The following NCOR1 variants were observed in gnomAD, a reference collection of about 807,000 sequenced individuals.
NCOR1 encodes nuclear receptor corepressor 1.
A neutral mutation model predicts 288.1 loss-of-function variants in NCOR1; 63 were observed. The observed-to-expected ratio is 0.22, with a 90% CI of 0.18 to 0.27. The LOEUF (loss-of-function observed/expected upper bound fraction) is 0.27, where lower values mean the gene tolerates loss of function less well. Among genes scored for constraint, NCOR1 ranks in the 10% least tolerant of loss-of-function variants. The pLI, the probability that NCOR1 is intolerant of heterozygous loss-of-function variation, is 1.00. For synonymous variants in NCOR1, 1,007 were observed against 1,065.9 expected, an observed-to-expected ratio of 0.94 and a Z score of 1.08; for missense variants, 2,397 against 3,019.2, an observed-to-expected ratio of 0.79 and a Z score of 4.83.
At chr17:16,186,920 C>T (rs2086774393) in intron 2 of NCOR1, among the ~76,000 whole-genome samples, 1 of 152,108 alleles carries the variant, frequency 6.6e-6, no homozygotes, top group Non-Finnish European at 1.5e-5. Context: ...ACTCATTCCT[C>T]TAATAACAAA....
rs774594220 is a variant in NCOR1 at position 16,058,587 on chromosome 17, C to T, written c.5894G>A (p.Arg1965Lys). 12 of 1,598,378 alleles carry T rather than the reference C, an allele frequency of 7.5e-6. No homozygotes were observed. In the South Asian group the frequency reaches 1.4e-4, roughly 18 times the overall value. ...SDSSSSLSSH[R>K]YETPSDAIEV... ...AATAGCATCGCTAGGTGTTTCATACCTGTGAGAAGATACTTTAAGAAAAGA... is the reference window on the plus strand; with the variant it reads ...AATAGCATCGCTAGGTGTTTCATACTTGTGAGAAGATACTTTAAGAAAAGA... Residue 1965 changes from arginine (R) to lysine (K), a missense_variant, in exon 38 of 46, where the codon AGG becomes AAG. Physicochemically the swap from Arg to Lys is conservative, Grantham distance 26. This residue lies in a region of NCOR1 where 1,872 missense variants were observed against 2,187.8 expected (regional missense o/e 0.86). Transcript: ENST00000268712.
chr17:16,184,625 TTAG>T (rs1292063427), intron 3 of NCOR1, among the ~76,000 whole-genome samples: 2 of 152,126 alleles, frequency 1.3e-5, no homozygotes, highest in African/African-American at 4.8e-5. Context: ...GTAACGTAAA[TTAG>T]TACAACCATT....
chr17:16,110,833 A>G (rs2069954773), intron 18 of NCOR1, among the ~76,000 whole-genome samples: 1 of 152,262 alleles, frequency 6.6e-6, no homozygotes, highest in Admixed American at 6.5e-5. Context: ...GAGTCACAGA[A>G]TTAGTTGCAA....
intron 3 of NCOR1, among the ~76,000 whole-genome samples, chr17:16,185,347 C>A (rs1390978400): frequency 6.6e-6 from 1 of 151,968 alleles, no homozygotes; most frequent in African/African-American, 2.4e-5. Context: ...CTATACGTAT[C>A]CCATAACATC....
chr17:16,036,205 A>C (rs1215464704), intron 44 of NCOR1, among the ~76,000 whole-genome samples: 2 of 152,216 alleles, frequency 1.3e-5, no homozygotes, highest in African/African-American at 2.4e-5. Flanking sequence ...GAACCTTTCC[A>C]TCAGAGCTCT....
chr17:16,144,814 T>A (rs771120868), intron 10 of NCOR1, among the ~76,000 whole-genome samples: 5 of 150,570 alleles, frequency 3.3e-5, no homozygotes, highest in Non-Finnish European at 4.4e-5. Flanking sequence ...ACCTCTCTCC[T>A]TCTCCCGCTT....
At chr17:16,212,252 G>A (rs142301944) in intron 1 of NCOR1, among the ~76,000 whole-genome samples, 2 of 151,278 alleles carry the variant, frequency 1.3e-5, no homozygotes, top group African/African-American at 4.9e-5. Flanking sequence ...GGTGACAAGA[G>A]CGAGACCCTG....
chr17:16,082,187 A>G (rs574072090), intron 23 of NCOR1, among the ~76,000 whole-genome samples: 2 of 149,394 alleles, frequency 1.3e-5, no homozygotes, highest in South Asian at 2.3e-4. Context: ...AGAAACAACA[A>G]GCTCTGAAAA....
At chr17:16,064,391 G>C (rs2060887233) in intron 34 of NCOR1, among the ~76,000 whole-genome samples, 1 of 152,154 alleles carries the variant, frequency 6.6e-6, no homozygotes, top group Non-Finnish European at 1.5e-5. Flanking sequence ...CCGGAGGCCA[G>C]GAGTTTACGA....
chr17:16,205,740 C>G (rs1403340807), intron 1 of NCOR1, among the ~76,000 whole-genome samples: 1 of 151,416 alleles, frequency 6.6e-6, no homozygotes, highest in Admixed American at 6.6e-5. Flanking sequence ...GAGTTCGAGA[C>G]CAGCCTGGCC....
chr17:16,158,212 G>T (rs938188512), intron 6 of NCOR1, among the ~76,000 whole-genome samples: 17 of 152,262 alleles, frequency 1.1e-4, no homozygotes, highest in Middle Eastern at 3.4e-3. Context: ...GACCTCAAGT[G>T]ATCTACCCGC....
At chr17:16,126,042 T>G in intron 15 of NCOR1, 40 bp downstream of exon 15, 1 of 979,290 alleles carries the variant, frequency 1.0e-6, no homozygotes, top group Non-Finnish European at 1.5e-6. Context: ...AAAATAAAAA[T>G]AAACATTTAA....
rs779151290 is a variant in NCOR1, at chr17:16,071,504, C to T, written c.4057G>A (p.Glu1353Lys). The change falls in exon 30 of 46, where the codon GAG becomes AAG. Residue 1353 changes from glutamate (E) to lysine (K), a missense_variant. Physicochemically the swap from Glu to Lys is moderately conservative, Grantham distance 56 (BLOSUM62 1). Transcript: ENST00000268712. Reference sequence around the variant, plus strand: ...GTTAAAATATCTTGCCTTGGAATCTCATGAATGGAACGCCCCATTTCTTTG... The same window carrying T: ...GTTAAAATATCTTGCCTTGGAATCTTATGAATGGAACGCCCCATTTCTTTG... ...TIKEMGRSIHEIPRQDILTQE... is the reference protein window; with the variant it reads ...TIKEMGRSIHKIPRQDILTQE... 3 of 1,614,052 alleles carry T rather than the reference C, an allele frequency of 1.9e-6. No individual in the cohort carries two copies. The highest frequency in any genetic ancestry group is 8.5e-7 in the Non-Finnish European group (1 of 1,180,036).
At chr17:16,048,125 G>A (rs547415356) in intron 41 of NCOR1, among the ~76,000 whole-genome samples, 2 of 152,218 alleles carry the variant, frequency 1.3e-5, no homozygotes, top group Admixed American at 6.5e-5. Flanking sequence ...GTATCAGTAC[G>A]ACCATGAGCA....
At chr17:16,057,817 C>T (rs1462650302) in intron 39 of NCOR1, 80 bp from the exon 40 acceptor site, 6 of 1,474,846 alleles carry the variant, frequency 4.1e-6, no homozygotes, top group East Asian at 2.5e-5. Flanking sequence ...ATCTAGATAT[C>T]TTTATTATAA....
chr17:16,056,682 TA>T (rs2059965946), intron 40 of NCOR1, among the ~76,000 whole-genome samples: 2 of 152,170 alleles, frequency 1.3e-5, no homozygotes, highest in Non-Finnish European at 2.9e-5. Context: ...TGCTAATATT[TA>T]GTCTACCACT....
intron 1 of NCOR1, among the ~76,000 whole-genome samples, chr17:16,202,400 CAAA>C (rs1193307384): frequency 2.7e-5 from 3 of 112,926 alleles, no homozygotes; most frequent in East Asian, 2.5e-4. Flanking sequence ...GACTTCATCT[CAAA>C]AAAAAAAAAA....
At chr17:16,101,121 A>T (rs2067554174) in intron 20 of NCOR1, 129 bp downstream of exon 20, 9 of 895,784 alleles carry the variant, frequency 1.0e-5, no homozygotes, top group Non-Finnish European at 1.5e-5. Context: ...GCCCAATATT[A>T]AAATTGTACA....
intron 15 of NCOR1, among the ~76,000 whole-genome samples, chr17:16,123,512 CCTTT>C (rs2073425861): frequency 6.6e-6 from 1 of 152,144 alleles, no homozygotes; most frequent in South Asian, 2.1e-4. Context: ...CATTCTAATC[CCTTT>C]CTAACTATTC....
Sources: gnomAD v4.1 joint callset for allele counts (sites outside exome capture counted in the v4.1 genomes callset) on GRCh38, gnomAD v4.1.1 for gene constraint, gnomAD v4.1.1 regional missense constraint, MANE v1.5 for transcripts, NCBI Gene and HGNC (gene_info 2026-07-23, HGNC 2026-07-21) for gene names.